The following CDK19 variants were observed in gnomAD, a reference collection of about 807,000 sequenced individuals.
The protein encoded by CDK19 is cyclin-dependent kinase 19.
CDK19 carries 20 observed loss-of-function variants against 68.3 expected under a neutral mutation model. That is an observed-to-expected ratio of 0.29 (90% CI 0.21 to 0.43). The LOEUF (loss-of-function observed/expected upper bound fraction) is 0.43. Ranked by LOEUF, CDK19 falls within the 20% of genes least tolerant of loss-of-function variation. The probability of loss-of-function intolerance (pLI) is 1.00; values close to 1 mark genes in which losing one functional copy is unlikely to be tolerated. For synonymous variants in CDK19, 221 were observed against 222.8 expected (o/e 0.99, Z 0.07); for missense variants, 339 against 623.5 (o/e 0.54, Z 4.86).
In CDK19 at chr6:110,739,473, G is replaced by A. The variant is rs76503788; in HGVS notation, c.204+6653C>T. 4.8e-3 allele frequency among the ~76,000 whole-genome samples: 737 copies of A among 152,080 alleles called. 7 individuals are homozygous for A. Among genetic ancestry groups the A allele is most frequent in the South Asian group, 0.017 (80 of 4,818 alleles). On this transcript the variant is annotated intron_variant, in intron 2 of 12. Transcript: ENST00000368911. ...TAAGCCACCAAGTCTATGGTATTTT[G>A]TTATGACAGCCCAAACAGACTAAGA...
intron 2 of CDK19, among the ~76,000 whole-genome samples, chr6:110,729,817 A>C (rs1257883915): frequency 6.6e-6 from 1 of 151,678 alleles, no homozygotes; most frequent in East Asian, 1.9e-4. Flanking sequence ...CAAATGTAGC[A>C]CACTGCAGCC....
chr6:110,810,344 ATGAT>A (rs1429980271), intron 1 of CDK19, among the ~76,000 whole-genome samples: 1 of 152,244 alleles, frequency 6.6e-6, no homozygotes, highest in Non-Finnish European at 1.5e-5. Flanking sequence ...GAGATATGAC[ATGAT>A]TGATTTTATA....
chr6:110,748,646 G>A (rs896628678), intron 1 of CDK19, among the ~76,000 whole-genome samples: 15 of 152,202 alleles, frequency 9.9e-5, no homozygotes, highest in African/African-American at 3.6e-4. Flanking sequence ...ACTGTACTAC[G>A]TGAATGCCAA....
intron 3 of CDK19, among the ~76,000 whole-genome samples, chr6:110,669,258 T>C (rs1046986832): frequency 1.3e-5 from 2 of 152,270 alleles, no homozygotes; most frequent in African/African-American, 4.8e-5. Context: ...GACCTGAGTC[T>C]GTTAAAGTTA....
intron 2 of CDK19, among the ~76,000 whole-genome samples, chr6:110,728,306 G>C (rs1295381798): frequency 1.3e-5 from 2 of 150,634 alleles, no homozygotes; most frequent in Non-Finnish European, 3.0e-5. Flanking sequence ...AAAAAAAAGA[G>C]AGAGAGAGAA....
chr6:110,652,080 G>GAAAC (rs1356132624), intron 4 of CDK19, among the ~76,000 whole-genome samples: 1 of 149,856 alleles, frequency 6.7e-6, no homozygotes, highest in Admixed American at 6.6e-5. Context: ...TCTCAAAAAA[G>GAAAC]AAACAAACAA....
At chr6:110,756,746 G>A (rs1418160426) in intron 1 of CDK19, among the ~76,000 whole-genome samples, 3 of 152,078 alleles carry the variant, frequency 2.0e-5, no homozygotes, top group Non-Finnish European at 2.9e-5. Flanking sequence ...ACAGCTGAAG[G>A]TAACTGAGAT....
At chr6:110,643,660 A>C (rs1303260198) in intron 4 of CDK19, among the ~76,000 whole-genome samples, 1 of 152,240 alleles carries the variant, frequency 6.6e-6, no homozygotes, top group Non-Finnish European at 1.5e-5. Context: ...ACAGTCACAT[A>C]AAAACACAGA....
At chr6:110,667,985 G>A (rs1431434026) in intron 3 of CDK19, among the ~76,000 whole-genome samples, 1 of 152,164 alleles carries the variant, frequency 6.6e-6, no homozygotes, top group Non-Finnish European at 1.5e-5. Context: ...CTGATCAGGT[G>A]TATATTTGAA....
At chr6:110,646,324 G>T (rs768388975) in intron 4 of CDK19, 1 of 1,482,454 alleles carries the variant, frequency 6.7e-7, no homozygotes, top group African/African-American at 1.4e-5. Context: ...CTGCGCGAAC[G>T]GGCCCACGAC....
At chr6:110,807,396 C>A (rs706929) in intron 1 of CDK19, among the ~76,000 whole-genome samples, 1 of 151,986 alleles carries the variant, frequency 6.6e-6, no homozygotes, top group Non-Finnish European at 1.5e-5. Flanking sequence ...CCAAGAATGA[C>A]TGCCCCTAAA....
chr6:110,689,828 G>A (rs1480378417), intron 2 of CDK19, among the ~76,000 whole-genome samples: 1 of 151,876 alleles, frequency 6.6e-6, no homozygotes, highest in African/African-American at 2.4e-5. Flanking sequence ...CAGCCCCACT[G>A]GGCAGCTAGA....
chr6:110,740,894 T>A (rs1777610898), intron 2 of CDK19, among the ~76,000 whole-genome samples: 1 of 152,174 alleles, frequency 6.6e-6, no homozygotes, highest in Non-Finnish European at 1.5e-5. Flanking sequence ...TTCCCTTATA[T>A]ACTCTGTCCT....
chr6:110,661,630 A>T (rs1271622564), intron 4 of CDK19, among the ~76,000 whole-genome samples: 1 of 152,094 alleles, frequency 6.6e-6, no homozygotes, highest in Non-Finnish European at 1.5e-5. Context: ...CATTTCCTTT[A>T]ATCAGATGAA....
At position 110,655,096 on chromosome 6, in the gene CDK19, G is replaced by A. The variant is rs144654039; in HGVS notation, c.456+12338C>T. ...CAAAAATCCTCGATAGGCCGGGCAC[G>A]GTAGCTCACGCCTGTAATCCCAGCA... On this transcript the variant is annotated intron_variant, in intron 4 of 12. Transcript: ENST00000368911. Among the ~76,000 whole-genome samples, 1,377 of 152,100 alleles carry A rather than the reference G, an allele frequency of 9.1e-3. 22 individuals carry two copies. Among genetic ancestry groups the A allele is most frequent in the African/African-American group, 0.031 (1,294 of 41,484 alleles).
At chr6:110,645,848 G>A (rs2114821541) in intron 4 of CDK19, 1 of 636,340 alleles carries the variant, frequency 1.6e-6, no homozygotes, top group East Asian at 3.4e-5. Context: ...GCTTCCTCCT[G>A]ACCTTCGATT....
intron 1 of CDK19, among the ~76,000 whole-genome samples, chr6:110,760,581 G>A (rs898863390): frequency 2.0e-5 from 3 of 151,692 alleles, no homozygotes; most frequent in Middle Eastern, 3.5e-3. Context: ...ATACAAAAAT[G>A]AGTTGGACAT....
chr6:110,719,024 T>C (rs553077961), intron 2 of CDK19, among the ~76,000 whole-genome samples: 1 of 152,254 alleles, frequency 6.6e-6, no homozygotes, highest in Admixed American at 6.5e-5. Flanking sequence ...AAGTCAAATA[T>C]GTATGTAAAA....
rs1380337997 is a variant in CDK19 at position 110,632,118 on chromosome 6, T to C, written c.558A>G (p.Pro186=). 1.9e-6 allele frequency: 3 copies of C among 1,613,572 alleles called. No homozygotes were observed. The highest frequency in any genetic ancestry group is 1.3e-5 in the African/African-American group (1 of 74,902). ...FARLFNSPLK[P]LADLDPVVVT... is the part of the protein sequence containing the mutation. ...CAACTACTGGATCCAAATCTGCTAGTGGCTTTAGAGGAGAATTGAATAATC... is the reference window on the plus strand; with the variant it reads ...CAACTACTGGATCCAAATCTGCTAGCGGCTTTAGAGGAGAATTGAATAATC... The change falls in exon 6 of 13, where the codon CCA becomes CCG. Residue 186 remains proline, a synonymous_variant. Coordinates refer to ENST00000368911, the MANE Select transcript of CDK19 (RefSeq NM_015076.5).
Sources: allele counts gnomAD v4.1 joint callset (sites outside exome capture counted in the v4.1 genomes callset), GRCh38; gene constraint gnomAD v4.1.1; transcripts MANE v1.5; gene names NCBI Gene and HGNC (gene_info 2026-07-23, HGNC 2026-07-21).